IZUMO2: variants seen among roughly 807,000 people sequenced by gnomAD.
IZUMO2 encodes the protein IZUMO family member 2, also known as izumo sperm-egg fusion protein 2.
A neutral mutation model predicts 31.2 loss-of-function variants in IZUMO2; 24 were observed. That is an observed-to-expected ratio of 0.77 (90% CI 0.56 to 1.08). IZUMO2 has a LOEUF of 1.08. IZUMO2 is among the 50% of genes least tolerant of loss of function. IZUMO2 has a pLI of 0.00. For missense variants in IZUMO2, 278 were observed against 274.0 expected (o/e 1.01, Z -0.10); for synonymous variants, 144 against 117.3 (o/e 1.23, Z -1.47).
In IZUMO2 at chr19:50,152,649, G is replaced by A. The variant is rs1330506108; in HGVS notation, c.626C>T (p.Ala209Val). Residue 209 changes from alanine (A) to valine (V), a missense_variant and splice_region_variant, in exon 7 of 7, where the codon GCT (alanine) becomes GTT (valine). Ala to Val is a moderately conservative substitution (Grantham distance 64). Coordinates refer to ENST00000293405, the MANE Select transcript of IZUMO2 (RefSeq NM_152358.3). ...TTTTCGGTTTTGTCTGTATGTACAA[G>A]CCCTGGTCAGAGAGAAAAAGCCTGT... is the stretch of plus-strand genomic sequence containing the variant. ...VFVFVVIVVSACTYRQNRKLL... is the reference protein window; with the variant it reads ...VFVFVVIVVSVCTYRQNRKLL... 9 of 1,612,632 alleles carry A rather than the reference G, an allele frequency of 5.6e-6. No individual in the cohort carries two copies. The highest frequency in any genetic ancestry group is 1.3e-5 in the African/African-American group (1 of 74,886).
At chr19:50,158,476 C>G in intron 4 of IZUMO2, 128 bp from the exon 5 acceptor site, 1 of 547,680 alleles carries the variant, frequency 1.8e-6, no homozygotes, top group South Asian at 2.8e-5. Context: ...GTCCCACTGC[C>G]CAGCAGAGGA....
Position 50,154,636 on chromosome 19 carries a change from G to C in IZUMO2, c.587C>G (p.Ser196Cys). 1 of 1,614,038 alleles carries C rather than the reference G, an allele frequency of 6.2e-7. No individual in the cohort carries two copies. Among genetic ancestry groups the C allele is most frequent in the Non-Finnish European group, 8.5e-7 (1 of 1,179,982 alleles). ...GACCACGAAGACAAAGACAGCCAGA[G>C]ACACAGAAATGAGGATGCCCAACAG... is the stretch of plus-strand genomic sequence containing the variant. ...QALLGILISV[S>C]LAVFVFVVIV... is the part of the protein sequence containing the mutation. Residue 196 changes from serine to cysteine, a missense_variant, in exon 6 of 7, where the codon TCT (serine) becomes TGT (cysteine). By Grantham distance (112) the Ser-to-Cys change is moderately radical. Coordinates refer to ENST00000293405, the MANE Select transcript of IZUMO2 (RefSeq NM_152358.3).
At position 50,158,360 on chromosome 19, in the gene IZUMO2, G is replaced by A. The variant is rs571581769; in HGVS notation, c.416-12C>T. 331 of 1,581,910 alleles carry A rather than the reference G, an allele frequency of 2.1e-4. 5 individuals carry two copies. In the South Asian group the frequency reaches 3.4e-3, roughly 16 times the overall value. On this transcript the variant is annotated splice_polypyrimidine_tract_variant and intron_variant, in intron 4 of 6. Coordinates refer to ENST00000293405, the MANE Select transcript of IZUMO2 (RefSeq NM_152358.3). ...TTCTTTTAGCAAGCCTAGGCAAGGG[G>A]AAAGGGAGAAGTAAGACAAGGGCAG...
intron 5 of IZUMO2, among the ~76,000 whole-genome samples, chr19:50,156,760 AAAAACAAAAC>A (rs531551631): frequency 9.2e-5 from 14 of 152,282 alleles, no homozygotes; most frequent in South Asian, 2.1e-4. Flanking sequence ...ATCAGTCTAA[AAAAACAAAAC>A]AAAACAAAAC....
intron 5 of IZUMO2, 71 bp from the exon 6 acceptor site, chr19:50,154,797 T>A: frequency 6.4e-7 from 1 of 1,561,660 alleles, no homozygotes; most frequent in Non-Finnish European, 8.7e-7. Context: ...CCACCCCACC[T>A]GTTCATTCAG....
At chr19:50,152,936 G>GTAGA (rs1404126466) in intron 6 of IZUMO2, among the ~76,000 whole-genome samples, 2 of 152,108 alleles carry the variant, frequency 1.3e-5, no homozygotes, top group Non-Finnish European at 2.9e-5. Context: ...GAGAGATAAG[G>GTAGA]TAGAGACAGG....
chr19:50,160,216 A>G (rs2030351368), intron 2 of IZUMO2: 6 of 152,346 alleles, frequency 3.9e-5, no homozygotes, highest in Admixed American at 3.9e-4. Flanking sequence ...TATTACCTAG[A>G]CGTGCACTGT....
Position 50,154,791 on chromosome 19 carries a change from C to T in IZUMO2, c.497-65G>A, listed in dbSNP as rs796606353. 5.1e-6 allele frequency: 8 copies of T among 1,574,694 alleles called. No individual in the cohort carries two copies. The African/African-American group carries it at 6.7e-5, about 13-fold the overall frequency. On this transcript the variant is annotated intron_variant, in intron 5 of 6. Coordinates refer to ENST00000293405, the MANE Select transcript of IZUMO2 (RefSeq NM_152358.3). ...CACCCCTCCTTAGCCCCATACCCAC[C>T]CCACCTGTTCATTCAGCAGCCTGGG...
intron 1 of IZUMO2, 58 bp downstream of exon 1, chr19:50,162,905 G>C: frequency 6.2e-7 from 1 of 1,607,680 alleles, no homozygotes; most frequent in Admixed American, 1.7e-5. Context: ...CCCTCTTGGG[G>C]GCGTGGTCTC....
At position 50,154,683 on chromosome 19, in the gene IZUMO2, G is replaced by T; in HGVS notation, c.540C>A (p.Ser180Arg). The change falls in exon 6 of 7, where the codon AGC becomes AGA. Residue 180 changes from serine (S) to arginine (R), a missense_variant. Ser to Arg is a moderately radical substitution (Grantham distance 110). Coordinates refer to ENST00000293405, the MANE Select transcript of IZUMO2 (RefSeq NM_152358.3). ...PRVALQYQMDSKYPRNQALLG... is the reference protein window; with the variant it reads ...PRVALQYQMDRKYPRNQALLG... ...ACAGCGCCTGGTTCCTCGGGTATTT[G>T]CTGTCCATCTGGTACTGCAGGGCCA... The T allele has an allele frequency of 6.2e-7, 1 of 1,614,020 alleles. No homozygotes were observed. The highest frequency in any genetic ancestry group is 1.7e-5 in the Admixed American group (1 of 60,000).
At chr19:50,154,793 C>T in intron 5 of IZUMO2, 67 bp from the exon 6 acceptor site, 3 of 1,573,216 alleles carry the variant, frequency 1.9e-6, no homozygotes, top group Non-Finnish European at 2.6e-6. Flanking sequence ...ATACCCACCC[C>T]ACCTGTTCAT....
At chr19:50,159,172 A>G in intron 4 of IZUMO2, 58 bp downstream of exon 4, 2 of 1,565,142 alleles carry the variant, frequency 1.3e-6, no homozygotes, top group Non-Finnish European at 1.7e-6. Flanking sequence ...ATTTGGGGAG[A>G]CAGGGTGAAG....
At chr19:50,156,456 C>T (rs1411533524) in intron 5 of IZUMO2, among the ~76,000 whole-genome samples, 1 of 152,186 alleles carries the variant, frequency 6.6e-6, no homozygotes, top group Non-Finnish European at 1.5e-5. Context: ...TCTCCCATTC[C>T]ACTGTTCCTC....
chr19:50,159,609 T>G (rs2030329751), intron 2 of IZUMO2, 29 bp from the exon 3 acceptor site: 1 of 1,482,930 alleles, frequency 6.7e-7, no homozygotes, highest in South Asian at 1.1e-5. Context: ...CTCTGTGGGG[T>G]GGGAGGCACC....
At chr19:50,154,865 C>A in intron 5 of IZUMO2, 139 bp from the exon 6 acceptor site, 1 of 858,950 alleles carries the variant, frequency 1.2e-6, no homozygotes, top group Non-Finnish European at 1.8e-6. Context: ...CTGCTTGTTC[C>A]CTGCCCTCTC....
intron 5 of IZUMO2, among the ~76,000 whole-genome samples, chr19:50,156,431 C>G (rs2030213972): frequency 6.6e-6 from 1 of 152,140 alleles, no homozygotes; most frequent in South Asian, 2.1e-4. Context: ...TCCATGAGGG[C>G]AGGAACTACA....
chr19:50,153,962 A>G (rs1337043165), intron 6 of IZUMO2, among the ~76,000 whole-genome samples: 1 of 136,848 alleles, frequency 7.3e-6, no homozygotes, highest in Non-Finnish European at 1.5e-5. Flanking sequence ...AGAGAGAGAG[A>G]GAGAAATTGA....
At chr19:50,161,161 G>A (rs1230065009) in intron 2 of IZUMO2, among the ~76,000 whole-genome samples, 1 of 119,438 alleles carries the variant, frequency 8.4e-6, no homozygotes, top group Admixed American at 9.6e-5. Context: ...TTTTGCTCTT[G>A]TTGCCCAGGC....
intron 5 of IZUMO2, among the ~76,000 whole-genome samples, chr19:50,157,465 G>A (rs984874553): frequency 6.6e-6 from 1 of 151,252 alleles, no homozygotes; most frequent in Non-Finnish European, 1.5e-5. Context: ...ACCACGCTAG[G>A]GTAGTTTTTT....
Sources: gnomAD v4.1 joint callset for allele counts (sites outside exome capture counted in the v4.1 genomes callset) on GRCh38, gnomAD v4.1.1 for gene constraint, MANE v1.5 for transcripts, NCBI Gene and HGNC (gene_info 2026-07-23, HGNC 2026-07-21) for gene names.